The following GRIA1 variants were observed in gnomAD, a reference collection of about 807,000 sequenced individuals.
GRIA1 encodes the protein glutamate receptor 1.
In GRIA1, 31 loss-of-function variants were observed where a neutral mutation model predicts 99.2. That is an observed-to-expected ratio of 0.31 (90% CI 0.23 to 0.42). GRIA1 has a LOEUF of 0.42. GRIA1 is among the 10% of genes least tolerant of loss of function. The probability of loss-of-function intolerance (pLI) is 1.00; values close to 1 mark genes in which losing one functional copy is unlikely to be tolerated. For synonymous variants in GRIA1, 438 were observed against 432.4 expected (o/e 1.01, Z -0.16); for missense variants, 782 against 1,157.5 (o/e 0.68, Z 4.71).
intron 13 of GRIA1, among the ~76,000 whole-genome samples, chr5:153,777,466 T>C (rs1162565799): frequency 1.3e-5 from 2 of 152,296 alleles, no homozygotes; most frequent in East Asian, 1.9e-4. Context: ...TGTCTTCTTA[T>C]CTGAAAAATT....
chr5:153,795,586 G>C (rs774119506), intron 14 of GRIA1: 4 of 1,579,200 alleles, frequency 2.5e-6, no homozygotes, highest in Non-Finnish European at 3.5e-6. Flanking sequence ...GACTCCGGAA[G>C]TAAGGTCAGT....
At chr5:153,731,727 A>C (rs1327192821) in intron 11 of GRIA1, among the ~76,000 whole-genome samples, 1 of 152,202 alleles carries the variant, frequency 6.6e-6, no homozygotes, top group Non-Finnish European at 1.5e-5. Flanking sequence ...GTCATTTTAC[A>C]TAGTTATCCT....
chr5:153,730,151 T>C (rs1760900574), intron 11 of GRIA1, among the ~76,000 whole-genome samples: 1 of 152,124 alleles, frequency 6.6e-6, no homozygotes, highest in Admixed American at 6.6e-5. Context: ...AGGGATCTTG[T>C]TAAAATGCAG....
At chr5:153,645,663 G>C (rs1421379226) in intron 2 of GRIA1, among the ~76,000 whole-genome samples, 2 of 152,084 alleles carry the variant, frequency 1.3e-5, no homozygotes, top group Non-Finnish European at 2.9e-5. Flanking sequence ...CATCTTGTGG[G>C]GCTATAGTTT....
chr5:153,811,016 C>G lies in GRIA1; in HGVS notation c.2521-9C>G, dbSNP rs373126894. 1 of 1,612,256 alleles carries G rather than the reference C, an allele frequency of 6.2e-7. No homozygotes were observed. Among genetic ancestry groups the G allele is most frequent in the South Asian group, 1.1e-5 (1 of 90,954 alleles). On this transcript the variant is annotated splice_polypyrimidine_tract_variant and intron_variant, in intron 15 of 15. Transcript: ENST00000285900. ...GACCCGGGGAAGAACCCCCGGTCCT[C>G]CTGAAAAGGGTTTTTGTTTGATCCC... is the stretch of plus-strand genomic sequence containing the variant.
chr5:153,550,295 C>T (rs191333391), intron 2 of GRIA1, among the ~76,000 whole-genome samples: 1,924 of 151,496 alleles, frequency 0.013, 33 homozygotes, highest in African/African-American at 0.04. Context: ...CCTAGAAGAT[C>T]AAGAAGTAGA....
chr5:153,532,566 C>A (rs1193266077), intron 2 of GRIA1, among the ~76,000 whole-genome samples: 1 of 152,196 alleles, frequency 6.6e-6, no homozygotes, highest in Non-Finnish European at 1.5e-5. Flanking sequence ...TTTCCACAAA[C>A]CCCACAGCAG....
intron 2 of GRIA1, among the ~76,000 whole-genome samples, chr5:153,582,487 C>A (rs367857036): frequency 6.6e-6 from 1 of 152,118 alleles, no homozygotes; most frequent in Non-Finnish European, 1.5e-5. Context: ...GAATGTGGAG[C>A]GAGCCTAAAA....
rs747058513 is a variant in GRIA1 at position 153,698,926 on chromosome 5, C to T, written c.1305C>T (p.Tyr435=). The T allele has an allele frequency of 1.4e-5, 22 of 1,613,582 alleles. No individual in the cohort carries two copies. Among genetic ancestry groups the T allele is most frequent in the Middle Eastern group, 1.6e-4 (1 of 6,084 alleles). The change falls in exon 10 of 16, where the codon TAC becomes TAT. Residue 435 remains tyrosine, a synonymous_variant. Transcript: ENST00000285900. ...NANQFEGNDR[Y]EGYCVELAAE... Reference sequence around the variant, plus strand: ...ATCAGTTTGAGGGCAATGACCGTTACGAGGGCTACTGTGTAGAGCTGGCGG... The same window carrying T: ...ATCAGTTTGAGGGCAATGACCGTTATGAGGGCTACTGTGTAGAGCTGGCGG...
chr5:153,506,263 T>C (rs1755480987), intron 2 of GRIA1, among the ~76,000 whole-genome samples: 1 of 151,888 alleles, frequency 6.6e-6, no homozygotes, highest in Admixed American at 6.6e-5. Context: ...GCTATACTTC[T>C]TGGCTTGGCT....
At chr5:153,571,709 C>T (rs1296563194) in intron 2 of GRIA1, among the ~76,000 whole-genome samples, 2 of 152,108 alleles carry the variant, frequency 1.3e-5, no homozygotes, top group Non-Finnish European at 2.9e-5. Context: ...CTTCTCCTAA[C>T]ACCATCAAAT....
chr5:153,682,432 C>T (rs1171780657), intron 7 of GRIA1, among the ~76,000 whole-genome samples: 3 of 152,182 alleles, frequency 2.0e-5, no homozygotes, highest in African/African-American at 7.2e-5. Context: ...TTCTCCTAGG[C>T]CCATCTGTGC....
At chr5:153,679,783 G>T (rs1303460711) in intron 7 of GRIA1, among the ~76,000 whole-genome samples, 2 of 152,234 alleles carry the variant, frequency 1.3e-5, no homozygotes, top group Non-Finnish European at 2.9e-5. Context: ...TAGTGGGAGA[G>T]AACCTGTGGT....
chr5:153,586,934 C>T (rs1271696110), intron 2 of GRIA1, among the ~76,000 whole-genome samples: 2 of 152,316 alleles, frequency 1.3e-5, no homozygotes, highest in Non-Finnish European at 2.9e-5. Context: ...CTTAACTTCT[C>T]CTCACTGCTG....
At chr5:153,626,711 G>A (rs1013139598) in intron 2 of GRIA1, among the ~76,000 whole-genome samples, 1 of 152,130 alleles carries the variant, frequency 6.6e-6, no homozygotes, top group South Asian at 2.1e-4. Flanking sequence ...CACTGTCTGT[G>A]TAGCAAGATG....
chr5:153,767,113 C>T (rs1763569265), intron 12 of GRIA1, among the ~76,000 whole-genome samples: 1 of 152,098 alleles, frequency 6.6e-6, no homozygotes, highest in Non-Finnish European at 1.5e-5. Flanking sequence ...CCAAGAAAGC[C>T]AGGTATGAGG....
In GRIA1 at chr5:153,626,434, G is replaced by GTGTGTGTGTA. The variant is rs1203447803; in HGVS notation, c.221-20485_221-20484insATGTGTGTGT. 3.1e-3 allele frequency among the ~76,000 whole-genome samples: 428 copies of GTGTGTGTGTA among 139,800 alleles called. 3 individuals are homozygous for GTGTGTGTGTA. Among genetic ancestry groups the GTGTGTGTGTA allele is most frequent in the Non-Finnish European group, 4.8e-3 (317 of 65,542 alleles). 91.7% of individuals were successfully genotyped at this position (139,800 alleles called of 152,430 possible). A position where few individuals can be genotyped will look rare whatever the true frequency, so the allele number is the denominator to read the frequency against. On this transcript the variant is annotated intron_variant, in intron 2 of 15. Transcript: ENST00000285900. ...GGAGAATGACAAATCTAGTCTCTGTGTGTGTGTGTCTGTGTGTGTGTGTGT... is the reference window on the plus strand; with the variant it reads ...GGAGAATGACAAATCTAGTCTCTGTGTGTGTGTGTATGTGTGTGTCTGTGTGTGTGTGTGT...
At chr5:153,673,057 C>T (rs1181315583) in intron 5 of GRIA1, among the ~76,000 whole-genome samples, 1 of 152,172 alleles carries the variant, frequency 6.6e-6, no homozygotes, top group African/African-American at 2.4e-5. Flanking sequence ...TCTATGTGAC[C>T]AGCTTTGGGC....
At chr5:153,586,684 G>T (rs905585833) in intron 2 of GRIA1, among the ~76,000 whole-genome samples, 3 of 152,174 alleles carry the variant, frequency 2.0e-5, no homozygotes, top group Non-Finnish European at 4.4e-5. Context: ...ATTAAGTAAG[G>T]TAATATTTGA....
Sources: allele counts gnomAD v4.1 joint callset (sites outside exome capture counted in the v4.1 genomes callset), GRCh38; gene constraint gnomAD v4.1.1; transcripts MANE v1.5; gene names NCBI Gene and HGNC (gene_info 2026-07-23, HGNC 2026-07-21).